PLXDC2: variants seen among roughly 807,000 people sequenced by gnomAD.
PLXDC2 encodes plexin domain containing 2.
In PLXDC2, 40 loss-of-function variants were observed where a neutral mutation model predicts 68.9. That is an observed-to-expected ratio of 0.58 (90% CI 0.45 to 0.76). The LOEUF (loss-of-function observed/expected upper bound fraction) is 0.76. PLXDC2 is among the 30% of genes least tolerant of loss of function. The pLI, the probability that PLXDC2 is intolerant of heterozygous loss-of-function variation, is 0.00. For synonymous variants in PLXDC2, 243 were observed against 234.2 expected, an observed-to-expected ratio of 1.04 and a Z score of -0.34; for missense variants, 644 against 661.9, an observed-to-expected ratio of 0.97 and a Z score of 0.30.
intron 1 of PLXDC2, among the ~76,000 whole-genome samples, chr10:19,890,243 T>C (rs565251166): frequency 6.6e-6 from 1 of 152,092 alleles, no homozygotes; most frequent in Non-Finnish European, 1.5e-5. Context: ...AATTTTAATT[T>C]TGTTTTAAAT....
At chr10:20,230,125 A>G (rs1245584052) in intron 12 of PLXDC2, among the ~76,000 whole-genome samples, 4 of 152,262 alleles carry the variant, frequency 2.6e-5, no homozygotes, top group African/African-American at 9.6e-5. Context: ...TAAATAAAAT[A>G]AACACTTTCA....
At chr10:20,016,618 GCCATGGTGT>G (rs1236556369) in intron 2 of PLXDC2, among the ~76,000 whole-genome samples, 1 of 152,180 alleles carries the variant, frequency 6.6e-6, no homozygotes, top group Non-Finnish European at 1.5e-5. Flanking sequence ...TTACCTGGTG[GCCATGGTGT>G]CAAAATCTGT....
chr10:19,898,189 G>T (rs761124079), intron 1 of PLXDC2, among the ~76,000 whole-genome samples: 1 of 152,030 alleles, frequency 6.6e-6, no homozygotes, highest in African/African-American at 2.4e-5. Context: ...GTATTTTTTG[G>T]TTTGTTTTGT....
chr10:19,880,276 C>T (rs947535520), intron 1 of PLXDC2, among the ~76,000 whole-genome samples: 1 of 152,200 alleles, frequency 6.6e-6, no homozygotes, highest in Admixed American at 6.5e-5. Context: ...CCTCCCTAAT[C>T]CATGGGGCAT....
intron 1 of PLXDC2, among the ~76,000 whole-genome samples, chr10:19,965,918 C>T (rs1401030078): frequency 6.6e-6 from 1 of 151,980 alleles, no homozygotes; most frequent in Non-Finnish European, 1.5e-5. Context: ...TTCTTATTAA[C>T]AAGATCTCAG....
At chr10:19,833,511 A>G (rs2481936) in intron 1 of PLXDC2, among the ~76,000 whole-genome samples, 46,811 of 152,128 alleles carry the variant, frequency 0.31, 7,608 homozygotes, top group East Asian at 0.46. Context: ...AGAACACTCA[A>G]GGAGTTTATT....
chr10:19,934,574 C>T lies in PLXDC2; in HGVS notation c.113-67201C>T, dbSNP rs535800775. On this transcript the variant is annotated intron_variant, in intron 1 of 13. Transcript: ENST00000377252. ...GTAAGTCTTGTTAATAGTCTTGGCCCGACTCCATTCAATCTCCTAATCAAA... is the reference window on the plus strand; with the variant it reads ...GTAAGTCTTGTTAATAGTCTTGGCCTGACTCCATTCAATCTCCTAATCAAA... Among the ~76,000 whole-genome samples, 13 of 152,280 alleles carry T rather than the reference C, an allele frequency of 8.5e-5. No individual in the cohort carries two copies. In the East Asian group the frequency reaches 1.2e-3, roughly 14 times the overall value.
intron 13 of PLXDC2, among the ~76,000 whole-genome samples, chr10:20,246,594 C>T (rs1180805639): frequency 6.6e-6 from 1 of 152,220 alleles, no homozygotes; most frequent in Non-Finnish European, 1.5e-5. Context: ...AAGTGATCCT[C>T]CCGCCTTGGC....
intron 2 of PLXDC2, among the ~76,000 whole-genome samples, chr10:20,013,555 T>C (rs572467205): frequency 6.6e-6 from 1 of 152,342 alleles, no homozygotes; most frequent in South Asian, 2.1e-4. Flanking sequence ...AAGATTATAG[T>C]GCTTTGCACA....
At position 20,217,440 on chromosome 10, in the gene PLXDC2, G is replaced by A. The variant is rs763410542; in HGVS notation, c.1137G>A (p.Met379Ile). The change falls in exon 11 of 14, where the codon ATG (methionine) becomes ATA (isoleucine). Residue 379 changes from methionine to isoleucine, a missense_variant. Met to Ile is a conservative substitution (Grantham distance 10). Around this residue, in one of 3 missense-constraint regions of PLXDC2, gnomAD observed 330 missense variants for 327.9 expected, o/e 1.01. Transcript: ENST00000377252. ...SGCPEESKEKMCENTEPVETS... is the reference protein window; with the variant it reads ...SGCPEESKEKICENTEPVETS... ...TCTCTTACTAGTCAAAAGAGAAGAT[G>A]TGTGAGAATACAGAACCAGTGGAAA... 6 of 1,610,790 alleles carry A rather than the reference G, an allele frequency of 3.7e-6. No homozygotes were observed. The East Asian group carries it at 1.3e-4, about 36-fold the overall frequency.
intron 1 of PLXDC2, among the ~76,000 whole-genome samples, chr10:19,886,836 G>A (rs1013412765): frequency 3.9e-5 from 6 of 152,168 alleles, no homozygotes; most frequent in African/African-American, 1.4e-4. Flanking sequence ...AAACTTAGAA[G>A]AGTCACAATA....
At chr10:20,194,567 A>G (rs928624928) in intron 9 of PLXDC2, among the ~76,000 whole-genome samples, 1 of 152,024 alleles carries the variant, frequency 6.6e-6, no homozygotes, top group Non-Finnish European at 1.5e-5. Flanking sequence ...TACCTCACAA[A>G]TATGATATCT....
chr10:20,053,696 C>T (rs1835944782), intron 3 of PLXDC2, among the ~76,000 whole-genome samples: 1 of 152,118 alleles, frequency 6.6e-6, no homozygotes, highest in Admixed American at 6.6e-5. Flanking sequence ...CAGTTGATGA[C>T]ATTCTGATTC....
intron 1 of PLXDC2, among the ~76,000 whole-genome samples, chr10:19,918,758 G>T (rs939103653): frequency 1.3e-5 from 2 of 152,170 alleles, no homozygotes; most frequent in South Asian, 4.1e-4. Flanking sequence ...GATTATGGAA[G>T]ATTTTCTTAC....
intron 3 of PLXDC2, among the ~76,000 whole-genome samples, chr10:20,052,460 C>T (rs141395676): frequency 1.3e-3 from 194 of 152,040 alleles, no homozygotes; most frequent in African/African-American, 4.4e-3. Flanking sequence ...TCCACATACA[C>T]GTCCACATGC....
chr10:20,206,223 T>C (rs77122946), intron 9 of PLXDC2, among the ~76,000 whole-genome samples: 8,673 of 152,206 alleles, frequency 0.057, 269 homozygotes, highest in Middle Eastern at 0.088. Flanking sequence ...CACACCTTTT[T>C]TGTGACCAAG....
At chr10:20,127,904 A>G (rs1320185492) in intron 4 of PLXDC2, among the ~76,000 whole-genome samples, 4 of 152,198 alleles carry the variant, frequency 2.6e-5, no homozygotes, top group Non-Finnish European at 5.9e-5. Flanking sequence ...GAAAGGCAGA[A>G]TAATGCATGA....
At chr10:19,988,818 T>C (rs188622938) in intron 1 of PLXDC2, among the ~76,000 whole-genome samples, 15 of 112,992 alleles carry the variant, frequency 1.3e-4, no homozygotes, top group Non-Finnish European at 6.8e-5. Flanking sequence ...TTTTTTGAGA[T>C]GGAGTCTCAC....
chr10:19,924,325 C>T (rs552099305), intron 1 of PLXDC2, among the ~76,000 whole-genome samples: 29 of 152,256 alleles, frequency 1.9e-4, no homozygotes, highest in African/African-American at 6.3e-4. Flanking sequence ...GGTTGTCTCT[C>T]GCAGCCTCCC....
Sources: gnomAD v4.1 joint callset for allele counts (sites outside exome capture counted in the v4.1 genomes callset) on GRCh38, gnomAD v4.1.1 for gene constraint, gnomAD v4.1.1 regional missense constraint, MANE v1.5 for transcripts, NCBI Gene and HGNC (gene_info 2026-07-23, HGNC 2026-07-21) for gene names.